The following JAZF1 variants were observed in gnomAD, a reference collection of about 807,000 sequenced individuals.
The protein encoded by JAZF1 is JAZF zinc finger 1.
In JAZF1, 8 loss-of-function variants were observed where a neutral mutation model predicts 26.4. The ratio of observed to expected loss-of-function variants is 0.30; its 90% confidence interval spans 0.18 to 0.55. JAZF1 has a LOEUF of 0.55. Among genes scored for constraint, JAZF1 ranks in the 20% least tolerant of loss-of-function variants. The pLI, the probability that JAZF1 is intolerant of heterozygous loss-of-function variation, is 0.94. For missense variants in JAZF1, 199 were observed against 322.0 expected, an observed-to-expected ratio of 0.62 and a Z score of 2.92; for synonymous variants, 126 against 122.3, an observed-to-expected ratio of 1.03 and a Z score of -0.20.
intron 2 of JAZF1, among the ~76,000 whole-genome samples, chr7:27,981,641 G>T (rs1785587563): frequency 6.6e-6 from 1 of 152,166 alleles, no homozygotes; most frequent in African/African-American, 2.4e-5. Context: ...TTTAGTAGCA[G>T]TGATACCTGG....
intron 1 of JAZF1, among the ~76,000 whole-genome samples, chr7:28,109,818 C>T (rs1421317946): frequency 2.0e-5 from 3 of 152,160 alleles, no homozygotes; most frequent in African/African-American, 7.2e-5. Flanking sequence ...TGCCTCATCT[C>T]CCGAAGGCCA....
chr7:27,902,049 C>G (rs1437237969), intron 2 of JAZF1, among the ~76,000 whole-genome samples: 2 of 152,146 alleles, frequency 1.3e-5, no homozygotes, highest in Non-Finnish European at 2.9e-5. Flanking sequence ...TAAAGTTTGG[C>G]ACTAAAACAT....
intron 2 of JAZF1, among the ~76,000 whole-genome samples, chr7:27,895,759 C>A (rs1454372217): frequency 6.6e-6 from 1 of 152,176 alleles, no homozygotes; most frequent in African/African-American, 2.4e-5. Flanking sequence ...CCATAGGAAG[C>A]CCACACATCC....
At chr7:28,010,010 A>T (rs1003858468) in intron 1 of JAZF1, among the ~76,000 whole-genome samples, 5 of 152,118 alleles carry the variant, frequency 3.3e-5, no homozygotes, top group African/African-American at 1.2e-4. Flanking sequence ...TTCATCAATC[A>T]AATTATTCAA....
chr7:27,955,016 C>T (rs951074144), intron 2 of JAZF1, among the ~76,000 whole-genome samples: 1 of 152,186 alleles, frequency 6.6e-6, no homozygotes, highest in Non-Finnish European at 1.5e-5. Flanking sequence ...CCTCGGCCTC[C>T]AAAAGTGCTG....
chr7:28,164,929 G>A (rs1175596202), intron 1 of JAZF1, among the ~76,000 whole-genome samples: 2 of 152,128 alleles, frequency 1.3e-5, no homozygotes, highest in African/African-American at 4.8e-5. Flanking sequence ...AGCACTTTGG[G>A]AGGCCTAGGC....
intron 3 of JAZF1, among the ~76,000 whole-genome samples, chr7:27,889,967 T>C (rs977240511): frequency 1.3e-5 from 2 of 152,032 alleles, no homozygotes; most frequent in African/African-American, 4.8e-5. Flanking sequence ...ATATTGCTTA[T>C]GCAGTTTTGA....
chr7:28,016,876 C>T (rs1189208107), intron 1 of JAZF1, among the ~76,000 whole-genome samples: 1 of 152,130 alleles, frequency 6.6e-6, no homozygotes, highest in Non-Finnish European at 1.5e-5. Flanking sequence ...AGAAATATGG[C>T]AGTGAATGAC....
intron 1 of JAZF1, among the ~76,000 whole-genome samples, chr7:28,086,390 C>A (rs1784212385): frequency 2.0e-5 from 3 of 152,172 alleles, no homozygotes; most frequent in Non-Finnish European, 1.5e-5. Flanking sequence ...AAGCTCTGCC[C>A]ATGTTTTCAG....
intron 3 of JAZF1, among the ~76,000 whole-genome samples, chr7:27,854,745 G>C (rs1783212405): frequency 6.6e-6 from 1 of 152,238 alleles, no homozygotes; most frequent in South Asian, 2.1e-4. Flanking sequence ...TCTGCTGTTA[G>C]TCTGATGGGC....
In JAZF1 at chr7:28,089,626, G is replaced by T. The variant is rs556421708; in HGVS notation, c.115+90837C>A. Among the ~76,000 whole-genome samples, 3 of 152,238 alleles carry T rather than the reference G, an allele frequency of 2.0e-5. No homozygotes were observed. In the South Asian group the frequency reaches 6.2e-4, roughly 32 times the overall value. On this transcript the variant is annotated intron_variant, in intron 1 of 4. Transcript: ENST00000283928. ...GAGGGCTCAGAAAGAAAAGAGGAGAGATATATAGAAAGTTTTCATCTTCTG... is the reference window on the plus strand; with the variant it reads ...GAGGGCTCAGAAAGAAAAGAGGAGATATATATAGAAAGTTTTCATCTTCTG...
At chr7:28,167,482 A>G (rs1488004969) in intron 1 of JAZF1, among the ~76,000 whole-genome samples, 2 of 152,252 alleles carry the variant, frequency 1.3e-5, no homozygotes, top group Non-Finnish European at 2.9e-5. Context: ...GGAACCTCAC[A>G]CTGAACCACA....
chr7:28,172,157 C>T (rs538025641), intron 1 of JAZF1, among the ~76,000 whole-genome samples: 46 of 152,336 alleles, frequency 3.0e-4, no homozygotes, highest in African/African-American at 9.9e-4. Context: ...ATCACAATGA[C>T]TTATATTCAT....
At chr7:27,921,454 G>GT (rs1463971397) in intron 2 of JAZF1, among the ~76,000 whole-genome samples, 1 of 151,976 alleles carries the variant, frequency 6.6e-6, no homozygotes, top group East Asian at 1.9e-4. Context: ...TAAAGTGGCA[G>GT]TAAGAGAGGG....
At chr7:28,026,791 G>A (rs574262459) in intron 1 of JAZF1, among the ~76,000 whole-genome samples, 3 of 152,238 alleles carry the variant, frequency 2.0e-5, no homozygotes, top group South Asian at 4.1e-4. Flanking sequence ...TGAAGCCACC[G>A]GCACTGGAGA....
At chr7:28,041,533 T>G (rs1398457906) in intron 1 of JAZF1, among the ~76,000 whole-genome samples, 2 of 152,100 alleles carry the variant, frequency 1.3e-5, no homozygotes, top group Non-Finnish European at 2.9e-5. Flanking sequence ...CAGAAGCCAG[T>G]GAGATATCAC....
At chr7:28,102,470 T>C (rs1363481367) in intron 1 of JAZF1, among the ~76,000 whole-genome samples, 1 of 152,192 alleles carries the variant, frequency 6.6e-6, no homozygotes, top group Non-Finnish European at 1.5e-5. Context: ...TTATTTCTTA[T>C]CACCATGACC....
chr7:27,998,067 A>AGGCAGGCAGGC (rs1554280805), intron 1 of JAZF1, among the ~76,000 whole-genome samples: 6,493 of 71,548 alleles, frequency 0.091, 226 homozygotes, highest in Middle Eastern at 0.17. Flanking sequence ...GGAAGGAAGG[A>AGGCAGGCAGGC]AGGAAGGCAG....
intron 1 of JAZF1, among the ~76,000 whole-genome samples, chr7:28,172,619 C>T (rs1293257594): frequency 1.3e-5 from 2 of 152,174 alleles, no homozygotes; most frequent in South Asian, 2.1e-4. Flanking sequence ...GAATCCTCCA[C>T]GTAGAATTTT....
Sources: gnomAD v4.1 joint callset for allele counts (sites outside exome capture counted in the v4.1 genomes callset) on GRCh38, gnomAD v4.1.1 for gene constraint, MANE v1.5 for transcripts, NCBI Gene and HGNC (gene_info 2026-07-23, HGNC 2026-07-21) for gene names.